HS3ST4: variants seen among roughly 807,000 people sequenced by gnomAD.
The protein encoded by HS3ST4 is heparan sulfate glucosamine 3-O-sulfotransferase 4.
Under a neutral mutation model 29.2 loss-of-function variants are expected in HS3ST4, and 17 were observed. The ratio of observed to expected loss-of-function variants is 0.58; its 90% CI spans 0.40 to 0.87. HS3ST4 has a LOEUF of 0.87. Among genes scored for constraint, HS3ST4 ranks in the 40% least tolerant of loss-of-function variants. HS3ST4 has a pLI of 0.00. For synonymous variants in HS3ST4, 314 were observed against 285.7 expected (o/e 1.10, Z -1.00); for missense variants, 627 against 634.5 (o/e 0.99, Z 0.13).
chr16:25,748,409 G>T (rs1392222356), intron 1 of HS3ST4, among the ~76,000 whole-genome samples: 1 of 152,130 alleles, frequency 6.6e-6, no homozygotes, highest in South Asian at 2.1e-4. Flanking sequence ...AAGTGTAGTG[G>T]CAGCTTTTCA....
intron 1 of HS3ST4, among the ~76,000 whole-genome samples, chr16:26,093,085 G>C (rs1898877670): frequency 1.3e-5 from 2 of 152,206 alleles, no homozygotes; most frequent in Non-Finnish European, 2.9e-5. Context: ...AAAGTGGCCG[G>C]GAAGCTTGAA....
At chr16:25,848,523 A>G (rs923146835) in intron 1 of HS3ST4, among the ~76,000 whole-genome samples, 18 of 152,038 alleles carry the variant, frequency 1.2e-4, no homozygotes, top group African/African-American at 4.3e-4. Flanking sequence ...AAAATCCTTA[A>G]TAATGATCCA....
chr16:25,790,658 A>T (rs1016272196), intron 1 of HS3ST4, among the ~76,000 whole-genome samples: 1 of 152,056 alleles, frequency 6.6e-6, no homozygotes, highest in Non-Finnish European at 1.5e-5. Context: ...CCACTCTTTC[A>T]TATACTTACT....
chr16:25,986,083 C>T (rs1969059786), intron 1 of HS3ST4, among the ~76,000 whole-genome samples: 1 of 152,126 alleles, frequency 6.6e-6, no homozygotes, highest in Non-Finnish European at 1.5e-5. Flanking sequence ...CTTGGTTTTA[C>T]TCTCTGCTCT....
chr16:26,005,000 A>G (rs1210367844), intron 1 of HS3ST4, among the ~76,000 whole-genome samples: 1 of 152,106 alleles, frequency 6.6e-6, no homozygotes, highest in Non-Finnish European at 1.5e-5. Flanking sequence ...TTAATATCCC[A>G]GTTCACCTTT....
At chr16:25,977,079 G>T (rs944950902) in intron 1 of HS3ST4, among the ~76,000 whole-genome samples, 1 of 152,174 alleles carries the variant, frequency 6.6e-6, no homozygotes, top group African/African-American at 2.4e-5. Context: ...GAAGATATTT[G>T]TAAGTAAGTT....
intron 1 of HS3ST4, among the ~76,000 whole-genome samples, chr16:25,873,566 A>C (rs796616443): frequency 2.0e-4 from 30 of 150,112 alleles, no homozygotes; most frequent in Middle Eastern, 3.5e-3. Flanking sequence ...CTATACATCC[A>C]TCCACCCATT....
At chr16:25,914,627 T>G (rs1176152288) in intron 1 of HS3ST4, among the ~76,000 whole-genome samples, 1 of 149,864 alleles carries the variant, frequency 6.7e-6, no homozygotes, top group Admixed American at 6.6e-5. Context: ...GGGGTGTGTG[T>G]GGTGTGTGTG....
intron 1 of HS3ST4, among the ~76,000 whole-genome samples, chr16:25,783,449 TGTG>T (rs1966854492): frequency 6.6e-6 from 1 of 151,640 alleles, no homozygotes; most frequent in Non-Finnish European, 1.5e-5. Context: ...CCACCAGAGT[TGTG>T]GTAATCAAGC....
chr16:25,692,961 G>T lies in HS3ST4; in HGVS notation c.544G>T (p.Glu182Ter). 2 of 1,610,664 alleles carry T rather than the reference G, an allele frequency of 1.2e-6. No individual in the cohort carries two copies. The highest frequency in any genetic ancestry group is 1.7e-6 in the Non-Finnish European group (2 of 1,179,082). Reference sequence around the variant, plus strand: ...CCGGAGAGCGGCCAACGGGAGCAGCGAGAGGGGCGGCGCCGTCAGCACCCC... The same window carrying T: ...CCGGAGAGCGGCCAACGGGAGCAGCTAGAGGGGCGGCGCCGTCAGCACCCC... Reference protein sequence around the residue: ...AGRRAANGSSERGGAVSTPDY... With the variant: ...AGRRAANGSS Residue 182 changes from glutamate to a stop codon, truncating the protein, a stop_gained, in exon 1 of 2, where the codon GAG becomes TAG. Transcript: ENST00000331351. LOFTEE classifies it high-confidence loss of function.
intron 1 of HS3ST4, among the ~76,000 whole-genome samples, chr16:25,916,900 C>T (rs1343468511): frequency 2.0e-5 from 3 of 151,728 alleles, no homozygotes; most frequent in African/African-American, 4.8e-5. Flanking sequence ...AGGATGGTCT[C>T]GATCTCCTGA....
intron 1 of HS3ST4, among the ~76,000 whole-genome samples, chr16:25,746,759 G>A (rs1249263208): frequency 6.6e-6 from 1 of 151,928 alleles, no homozygotes; most frequent in Non-Finnish European, 1.5e-5. Context: ...CACCATGTTG[G>A]TCAAGCTGGT....
At chr16:26,001,990 A>G (rs4620960) in intron 1 of HS3ST4, among the ~76,000 whole-genome samples, 31,164 of 152,130 alleles carry the variant, frequency 0.2, 3,359 homozygotes, top group African/African-American at 0.25. Flanking sequence ...GGGCAAGGAA[A>G]ATGAACAAGC....
chr16:26,134,990 C>T (rs1051133068), intron 1 of HS3ST4, among the ~76,000 whole-genome samples: 1 of 151,890 alleles, frequency 6.6e-6, no homozygotes, highest in African/African-American at 2.4e-5. Context: ...AATTTTCATG[C>T]ATCACAAAAT....
chr16:25,832,603 A>G (rs1967315378), intron 1 of HS3ST4, among the ~76,000 whole-genome samples: 2 of 152,226 alleles, frequency 1.3e-5, no homozygotes, highest in African/African-American at 2.4e-5. Flanking sequence ...TGTTTATATG[A>G]GGAAGAGGTT....
intron 1 of HS3ST4, among the ~76,000 whole-genome samples, chr16:25,897,573 C>T (rs1968080464): frequency 6.6e-6 from 1 of 152,152 alleles, no homozygotes; most frequent in Non-Finnish European, 1.5e-5. Context: ...GGGCAAGTCA[C>T]CCAGTTCCTC....
intron 1 of HS3ST4, among the ~76,000 whole-genome samples, chr16:25,864,931 T>TATATATACACACACATATATATATAC (rs1305204449): frequency 4.4e-5 from 5 of 114,600 alleles, no homozygotes; most frequent in African/African-American, 1.3e-4. Flanking sequence ...TGGAATATTA[T>TATATATACACACACATATATATATAC]ATATATACAC....
Position 25,906,814 on chromosome 16 carries a change from G to A in HS3ST4, c.734+213663G>A, listed in dbSNP as rs574490896. Among the ~76,000 whole-genome samples, 7 of 152,114 alleles carry A rather than the reference G, an allele frequency of 4.6e-5. No individual in the cohort carries two copies. The East Asian group carries it at 1.4e-3, about 29-fold the overall frequency. ...TGTTTGGAAATAGCGCTTAAGGAAG[G>A]TAAAATTAAGTGGATTCCTAATAAA... On this transcript the variant is annotated intron_variant, in intron 1 of 1. Coordinates refer to ENST00000331351, the MANE Select transcript of HS3ST4 (RefSeq NM_006040.3).
At chr16:25,789,670 G>A (rs1309774937) in intron 1 of HS3ST4, among the ~76,000 whole-genome samples, 3 of 151,668 alleles carry the variant, frequency 2.0e-5, no homozygotes, top group African/African-American at 7.3e-5. Flanking sequence ...TATCACAAAG[G>A]GAATACACCC....
Sources: allele counts gnomAD v4.1 joint callset (sites outside exome capture counted in the v4.1 genomes callset), GRCh38; gene constraint gnomAD v4.1.1; transcripts MANE v1.5; gene names NCBI Gene and HGNC (gene_info 2026-07-23, HGNC 2026-07-21).